Variants in NPHP4 observed in about 807,000 individuals in gnomAD.
NPHP4 encodes nephrocystin 4, also known as nephrocystin-4.
Under a neutral mutation model 155.8 loss-of-function variants are expected in NPHP4, and 151 were observed. The ratio of observed to expected loss-of-function variants is 0.97; its 90% CI spans 0.85 to 1.11. NPHP4 has a LOEUF of 1.11. Among genes scored for constraint, NPHP4 ranks in the 50% least tolerant of loss-of-function variants. The pLI is 0.00. For missense variants in NPHP4, 1,956 were observed against 1,925.7 expected (o/e 1.02, Z -0.29); for synonymous variants, 845 against 816.8 (o/e 1.03, Z -0.59).
chr1:5,919,394 T>C (rs957133270), intron 11 of NPHP4, among the ~76,000 whole-genome samples: 2 of 152,246 alleles, frequency 1.3e-5, no homozygotes, highest in Non-Finnish European at 2.9e-5. Context: ...CACATGCAGC[T>C]ACCCTCACTA....
At chr1:5,878,347 G>T (rs1019265104) in intron 19 of NPHP4, among the ~76,000 whole-genome samples, 1 of 152,218 alleles carries the variant, frequency 6.6e-6, no homozygotes, top group Non-Finnish European at 1.5e-5. Context: ...CAGATGCCCC[G>T]CGTGGCTCTT....
At chr1:5,969,462 T>C (rs938864060) in intron 3 of NPHP4, among the ~76,000 whole-genome samples, 1 of 152,212 alleles carries the variant, frequency 6.6e-6, no homozygotes, top group African/African-American at 2.4e-5. Flanking sequence ...GACTGAAATG[T>C]TGGTGTCGGA....
rs144631422 is a variant in NPHP4 at position 5,939,769 on chromosome 1, G to A, written c.1120-6440C>T. 2.8e-3 allele frequency among the ~76,000 whole-genome samples: 434 copies of A among 152,310 alleles called. 3 individuals are homozygous for A. The highest frequency in any genetic ancestry group is 0.024 in the Middle Eastern group (7 of 294). ...ACTACACCAGGGAAGGGGCTCACGTGAGGCTGGCCCCAGGCCTGCTGTGAG... is the reference window on the plus strand; with the variant it reads ...ACTACACCAGGGAAGGGGCTCACGTAAGGCTGGCCCCAGGCCTGCTGTGAG... On this transcript the variant is annotated intron_variant, in intron 9 of 29. Coordinates refer to ENST00000378156, the MANE Select transcript of NPHP4 (RefSeq NM_015102.5).
intron 10 of NPHP4, among the ~76,000 whole-genome samples, chr1:5,929,009 A>G (rs1217028664): frequency 6.6e-6 from 1 of 151,826 alleles, no homozygotes; most frequent in African/African-American, 2.4e-5. Flanking sequence ...TTTTCAGCAT[A>G]CAGATCCCCT....
chr1:5,970,338 A>G (rs1032094761), intron 3 of NPHP4, among the ~76,000 whole-genome samples: 2 of 152,134 alleles, frequency 1.3e-5, no homozygotes, highest in African/African-American at 4.8e-5. Flanking sequence ...CACCATCCCT[A>G]TGAAAAATAC....
chr1:5,911,527 A>G (rs184177385), intron 11 of NPHP4, among the ~76,000 whole-genome samples: 46 of 152,348 alleles, frequency 3.0e-4, no homozygotes, highest in Non-Finnish European at 4.3e-4. Context: ...AACTTCTCGC[A>G]TGCATTTTAT....
chr1:5,919,461 T>C (rs2101556988), intron 11 of NPHP4, among the ~76,000 whole-genome samples: 1 of 152,250 alleles, frequency 6.6e-6, no homozygotes, highest in East Asian at 1.9e-4. Context: ...TTTGGTAGTT[T>C]GTTTATTGTC....
intron 6 of NPHP4, among the ~76,000 whole-genome samples, chr1:5,956,515 T>C (rs558162315): frequency 1.1e-4 from 16 of 152,302 alleles, no homozygotes; most frequent in African/African-American, 3.1e-4. Context: ...CTGGGTATCC[T>C]CATTCAGCCG....
At chr1:5,931,747 A>C (rs977559856) in intron 10 of NPHP4, among the ~76,000 whole-genome samples, 3 of 151,528 alleles carry the variant, frequency 2.0e-5, no homozygotes, top group African/African-American at 4.8e-5. Flanking sequence ...AAAAAAAAAA[A>C]AAAAAAAAAA....
intron 20 of NPHP4, 151 bp downstream of exon 20, chr1:5,876,942 G>A (rs1570156944): frequency 1.7e-5 from 8 of 484,496 alleles, no homozygotes; most frequent in Middle Eastern, 5.7e-4. Flanking sequence ...GATTTCCCCC[G>A]GTGGCTGAAA....
intron 12 of NPHP4, among the ~76,000 whole-genome samples, chr1:5,908,371 A>G (rs2101209491): frequency 6.6e-6 from 1 of 152,318 alleles, no homozygotes; most frequent in South Asian, 2.1e-4. Context: ...GACACACTAA[A>G]GCTGCTTCCT....
rs772745334 is a variant in NPHP4 at position 5,892,302 on chromosome 1, G to A, written c.2144-1274C>T. On this transcript the variant is annotated intron_variant, in intron 16 of 29. Coordinates refer to ENST00000378156, the MANE Select transcript of NPHP4 (RefSeq NM_015102.5). The surrounding 1 kb of genome is among the most constrained non-coding windows in gnomAD (Gnocchi z 4.5). ...GTCGGACAGTGGGTGAGAGTTGGGA[G>A]GCTGGTCAGAGGAGCCTAGACCAGG... is the stretch of plus-strand genomic sequence containing the variant. Among the ~76,000 whole-genome samples, 3 of 152,120 alleles carry A rather than the reference G, an allele frequency of 2.0e-5. No homozygotes were observed. The highest frequency in any genetic ancestry group is 2.0e-4 in the Admixed American group (3 of 15,276).
intron 19 of NPHP4, among the ~76,000 whole-genome samples, chr1:5,878,585 C>T (rs1187452505): frequency 6.6e-6 from 1 of 152,230 alleles, no homozygotes; most frequent in African/African-American, 2.4e-5. Flanking sequence ...CTTAAAATTT[C>T]GTGCAACTTG....
chr1:5,991,144 T>C (rs1039985722), intron 1 of NPHP4, among the ~76,000 whole-genome samples: 5 of 152,076 alleles, frequency 3.3e-5, no homozygotes, highest in Non-Finnish European at 7.4e-5. Context: ...GAGACCCAGA[T>C]GCCTTGGGGA....
rs761188193 is a variant in NPHP4, at chr1:5,978,346, C to T, written c.203G>A (p.Arg68Gln). Residue 68 changes from arginine to glutamine, a missense_variant, in exon 3 of 30, where the codon CGG becomes CAG. Coordinates refer to ENST00000378156, the MANE Select transcript of NPHP4 (RefSeq NM_015102.5). ...TTTCCACGTCCTCCCAAAGAAGTGC[C>T]GGTAGGTGACATCAAAGAAAGACAC... Reference protein sequence around the residue: ...LRVSFFDVTYRHFFGRTWKTT... With the variant: ...LRVSFFDVTYQHFFGRTWKTT... 32 of 1,609,360 alleles carry T rather than the reference C, an allele frequency of 2.0e-5. No homozygotes were observed. In the East Asian group the frequency reaches 3.1e-4, roughly 16 times the overall value.
At chr1:5,990,488 T>C (rs1248380182) in intron 1 of NPHP4, among the ~76,000 whole-genome samples, 2 of 151,776 alleles carry the variant, frequency 1.3e-5, no homozygotes, top group Admixed American at 1.3e-4. Flanking sequence ...CCACTTTTAA[T>C]GAGCCCCTGA....
At chr1:5,971,209 T>C (rs1026132051) in intron 3 of NPHP4, among the ~76,000 whole-genome samples, 8 of 152,236 alleles carry the variant, frequency 5.3e-5, no homozygotes, top group Admixed American at 2.6e-4. Flanking sequence ...TTTATGGCTA[T>C]GCCTCTCCCT....
At chr1:5,906,140 G>C (rs1644905244) in intron 13 of NPHP4, among the ~76,000 whole-genome samples, 1 of 152,224 alleles carries the variant, frequency 6.6e-6, no homozygotes, top group Non-Finnish European at 1.5e-5. Context: ...GGAGATACCT[G>C]ACACCTGAGA....
intron 22 of NPHP4, 69 bp downstream of exon 22, chr1:5,874,402 C>A: frequency 7.2e-7 from 1 of 1,382,386 alleles, no homozygotes; most frequent in Non-Finnish European, 9.7e-7. Context: ...CTGGTGGAGA[C>A]TGGAAGCATT....
Sources: gnomAD v4.1 joint callset for allele counts (sites outside exome capture counted in the v4.1 genomes callset) on GRCh38, gnomAD v4.1.1 for gene constraint, Gnocchi (gnomAD v3.1) non-coding constraint, MANE v1.5 for transcripts, NCBI Gene and HGNC (gene_info 2026-07-23, HGNC 2026-07-21) for gene names.